The following CLNK variants were observed in gnomAD, a reference collection of about 807,000 sequenced individuals.
CLNK encodes the protein cytokine dependent hematopoietic cell linker.
Under a neutral mutation model 68.6 loss-of-function variants are expected in CLNK, and 74 were observed. The ratio of observed to expected loss-of-function variants is 1.08; its 90% CI spans 0.89 to 1.31. The LOEUF (loss-of-function observed/expected upper bound fraction) is 1.31, where lower values mean the gene tolerates loss of function less well. Among genes scored for constraint, CLNK ranks in the 50% most tolerant of loss-of-function variants. CLNK has a pLI of 0.00. For missense variants in CLNK, 553 were observed against 515.3 expected, an observed-to-expected ratio of 1.07 and a Z score of -0.71; for synonymous variants, 198 against 172.2, an observed-to-expected ratio of 1.15 and a Z score of -1.17.
intron 11 of CLNK, among the ~76,000 whole-genome samples, chr4:10,533,031 G>C (rs1192530972): frequency 6.6e-6 from 1 of 152,200 alleles, no homozygotes; most frequent in Non-Finnish European, 1.5e-5. Context: ...GCTGAGGCAG[G>C]CTGATCACTT....
intron 11 of CLNK, among the ~76,000 whole-genome samples, chr4:10,539,586 T>C (rs1301909407): frequency 6.6e-6 from 1 of 152,222 alleles, no homozygotes; most frequent in African/African-American, 2.4e-5. Context: ...ATTTTGGAAA[T>C]TTAAACTCTT....
chr4:10,537,914 T>C (rs1161015019), intron 11 of CLNK, among the ~76,000 whole-genome samples: 2 of 151,590 alleles, frequency 1.3e-5, no homozygotes, highest in Non-Finnish European at 2.9e-5. Context: ...GGTTATTTTC[T>C]TCTTATAAAT....
chr4:10,674,502 A>G (rs1204873801), intron 1 of CLNK, among the ~76,000 whole-genome samples: 10 of 152,198 alleles, frequency 6.6e-5, no homozygotes. Flanking sequence ...CATTTCATTA[A>G]TACAGTTCCC....
the CLNK span, among the ~76,000 whole-genome samples, chr4:10,717,488 C>T: frequency 2.0e-5 from 3 of 152,078 alleles, no homozygotes; most frequent in South Asian, 2.1e-4. Context: ...TCCAGCTCCT[C>T]GGGAGGCTGA....
rs141409808 is a variant in CLNK at position 10,640,600 on chromosome 4, A to G, written c.11+27259T>C. ...GTGCAACATTAAGGAAACCGCATGA[A>G]CATTCTTCACTTCCACTTCCTTAAC... On this transcript the variant is annotated intron_variant, in intron 2 of 18. Coordinates refer to ENST00000226951, the MANE Select transcript of CLNK (RefSeq NM_052964.4). Among the ~76,000 whole-genome samples, 1,035 of 152,342 alleles carry G rather than the reference A, an allele frequency of 6.8e-3. 11 individuals are homozygous for G. Among genetic ancestry groups the G allele is most frequent in the African/African-American group, 0.023 (963 of 41,576 alleles).
rs768909797 is a variant in CLNK, at chr4:10,564,791, A to G, written c.293-14T>C. On this transcript the variant is annotated splice_polypyrimidine_tract_variant and intron_variant, in intron 6 of 18. Coordinates refer to ENST00000226951, the MANE Select transcript of CLNK (RefSeq NM_052964.4). ...AATAGTGTGTATCTATGCAAACAGA[A>G]AAATATGAAAGTCATACCTTACGTG... The G allele has an allele frequency of 2.6e-6, 4 of 1,512,110 alleles. No homozygotes were observed. 93.7% of individuals were successfully genotyped at this position (1,512,110 alleles called of 1,614,324 possible).
chr4:10,635,090 A>G (rs554453752), intron 2 of CLNK, among the ~76,000 whole-genome samples: 1 of 152,318 alleles, frequency 6.6e-6, no homozygotes, highest in East Asian at 1.9e-4. Flanking sequence ...CATTTTTACT[A>G]ACTGGTCAAG....
intron 16 of CLNK, among the ~76,000 whole-genome samples, chr4:10,509,105 CA>C (rs35503820): frequency 8.5e-5 from 9 of 105,456 alleles, no homozygotes; most frequent in South Asian, 3.6e-4. Flanking sequence ...GACTCGGTCT[CA>C]AAAAAAAAAA....
At chr4:10,521,708 C>T (rs1718073935) in intron 14 of CLNK, among the ~76,000 whole-genome samples, 1 of 152,206 alleles carries the variant, frequency 6.6e-6, no homozygotes, top group Admixed American at 6.5e-5. Flanking sequence ...AGCCACCATA[C>T]TATGCTGTCA....
chr4:10,511,507 T>A (rs199800597), intron 16 of CLNK, among the ~76,000 whole-genome samples: 1 of 152,176 alleles, frequency 6.6e-6, no homozygotes, highest in East Asian at 1.9e-4. Context: ...CATTAAAGAA[T>A]AACTCTCCAT....
intron 2 of CLNK, among the ~76,000 whole-genome samples, chr4:10,642,971 C>A (rs1723367606): frequency 6.6e-6 from 1 of 152,146 alleles, no homozygotes; most frequent in Non-Finnish European, 1.5e-5. Flanking sequence ...ACAGATGCAT[C>A]TACCTAGAAC....
chr4:10,648,709 C>A (rs1723614347), intron 2 of CLNK, among the ~76,000 whole-genome samples: 1 of 152,164 alleles, frequency 6.6e-6, no homozygotes, highest in Non-Finnish European at 1.5e-5. Flanking sequence ...AGGGCTCTGG[C>A]TTTCTGGTTC....
chr4:10,731,513 A>G, the CLNK span, among the ~76,000 whole-genome samples: 1 of 152,212 alleles, frequency 6.6e-6, no homozygotes, highest in Non-Finnish European at 1.5e-5. Flanking sequence ...TGTTACTTCA[A>G]AGAAAGACAG....
At chr4:10,667,358 T>C (rs1327347799) in intron 2 of CLNK, among the ~76,000 whole-genome samples, 2 of 144,308 alleles carry the variant, frequency 1.4e-5, no homozygotes, top group African/African-American at 5.1e-5. Context: ...TTTCTTAAAC[T>C]TTTGAGTCCT....
At chr4:10,692,570 G>C in the CLNK span, among the ~76,000 whole-genome samples, 20 of 152,282 alleles carry the variant, frequency 1.3e-4, no homozygotes, top group Non-Finnish European at 1.3e-4. Flanking sequence ...AAGATCCTAA[G>C]AAGGAGATTA....
intron 2 of CLNK, among the ~76,000 whole-genome samples, chr4:10,656,190 G>A (rs772137774): frequency 6.6e-6 from 1 of 151,810 alleles, no homozygotes; most frequent in Non-Finnish European, 1.5e-5. Flanking sequence ...GGAAAAGTTC[G>A]CTATGACTCA....
intron 2 of CLNK, among the ~76,000 whole-genome samples, chr4:10,633,523 G>T (rs2108870386): frequency 6.6e-6 from 1 of 152,242 alleles, no homozygotes; most frequent in East Asian, 1.9e-4. Flanking sequence ...TGTGATCATG[G>T]TTTGCAGGTG....
intron 2 of CLNK, among the ~76,000 whole-genome samples, chr4:10,610,033 GTTTTTTTTTTTTTTTTTTTTTTTTTTTTT>G (rs71181047): frequency 4.1e-5 from 3 of 73,430 alleles, no homozygotes; most frequent in Non-Finnish European, 7.2e-5. Flanking sequence ...ATGAATGCTC[GTTTTTTTTTTTTTTTTTTTTTTTTTTTTT>G]TTTTTTTTTT....
intron 2 of CLNK, among the ~76,000 whole-genome samples, chr4:10,610,019 T>A (rs1721945186): frequency 1.3e-5 from 2 of 148,826 alleles, no homozygotes; most frequent in Admixed American, 6.7e-5. Context: ...TATGTGCCTT[T>A]TAAATGAATG....
Sources: allele counts gnomAD v4.1 joint callset (sites outside exome capture counted in the v4.1 genomes callset), GRCh38; gene constraint gnomAD v4.1.1; transcripts MANE v1.5; gene names NCBI Gene and HGNC (gene_info 2026-07-23, HGNC 2026-07-21).